ANK2: variants seen among roughly 807,000 people sequenced by gnomAD.
ANK2 encodes ankyrin-2.
ANK2 carries 83 observed loss-of-function variants against 360.5 expected under a neutral mutation model. The ratio of observed to expected loss-of-function variants is 0.23; its 90% CI spans 0.19 to 0.28. ANK2 has a LOEUF of 0.28. Among genes scored for constraint, ANK2 ranks in the 10% least tolerant of loss-of-function variants. ANK2 has a pLI of 1.00. For missense variants in ANK2, 4,201 were observed against 4,795.7 expected (o/e 0.88, Z 3.66); for synonymous variants, 1,740 against 1,759.5 (o/e 0.99, Z 0.28).
intron 4 of ANK2, among the ~76,000 whole-genome samples, chr4:113,223,153 A>G (rs1406925330): frequency 6.6e-6 from 1 of 152,182 alleles, no homozygotes; most frequent in Non-Finnish European, 1.5e-5. Flanking sequence ...TTTCCAACTT[A>G]TCTTTCATAA....
At chr4:113,360,752 A>G in intron 38 of ANK2, 71 bp from the exon 39 acceptor site, 1 of 1,343,862 alleles carries the variant, frequency 7.4e-7, no homozygotes, top group Non-Finnish European at 1.1e-6. Flanking sequence ...CCTTTCTTTG[A>G]ATGAATCAGT....
chr4:112,758,745 C>T, the ANK2 span, among the ~76,000 whole-genome samples: 4 of 152,168 alleles, frequency 2.6e-5, no homozygotes, highest in African/African-American at 9.7e-5. Flanking sequence ...CTTCTCAAAA[C>T]CCTTTGCCAA....
At chr4:113,029,251 G>A (rs1415739946) in intron 2 of ANK2, among the ~76,000 whole-genome samples, 1 of 149,888 alleles carries the variant, frequency 6.7e-6, no homozygotes, top group South Asian at 2.1e-4. Context: ...TGTTTTTTTT[G>A]TTTTGGAAAC....
Position 113,237,064 on chromosome 4 carries a change from C to G in ANK2, c.561C>G (p.Thr187=), listed in dbSNP as rs1454410109. The G allele has an allele frequency of 6.2e-7, 1 of 1,614,090 alleles. No homozygotes were observed. Among genetic ancestry groups the G allele is most frequent in the South Asian group, 1.1e-5 (1 of 91,066 alleles). ...QAVAILLEND[T]KGKVRLPALH... ...TGGCCATCCTCTTGGAGAATGACAC[C>G]AAAGGGAAAGTGAGGCTGCCAGCTC... The change falls in exon 6 of 46, where the codon ACC becomes ACG. Residue 187 remains threonine (T), a synonymous_variant. Transcript: ENST00000357077.
At chr4:113,014,960 G>A (rs1487697341) in intron 2 of ANK2, among the ~76,000 whole-genome samples, 3 of 139,932 alleles carry the variant, frequency 2.1e-5, no homozygotes, top group Admixed American at 1.6e-4. Context: ...CCGGGTTCAC[G>A]CCATTCTCCT....
intron 11 of ANK2, 60 bp from the exon 12 acceptor site, chr4:113,257,990 T>C: frequency 2.8e-6 from 4 of 1,415,438 alleles, no homozygotes; most frequent in Non-Finnish European, 4.0e-6. Flanking sequence ...TGTGCCAGCA[T>C]GGAGTTGTGT....
intron 1 of ANK2, among the ~76,000 whole-genome samples, chr4:112,825,593 T>G (rs545280349): frequency 6.6e-6 from 1 of 152,324 alleles, no homozygotes; most frequent in East Asian, 1.9e-4. Flanking sequence ...GAGGAAAGAT[T>G]TCTTTTCCTC....
chr4:113,367,405 G>T (rs1454178680), intron 41 of ANK2, among the ~76,000 whole-genome samples, 161 bp from the exon 42 acceptor site: 1 of 152,026 alleles, frequency 6.6e-6, no homozygotes, highest in Non-Finnish European at 1.5e-5. Flanking sequence ...TATCTTGAAG[G>T]TGGACACAGT....
At chr4:112,791,814 C>T in the ANK2 span, among the ~76,000 whole-genome samples, 2 of 151,750 alleles carry the variant, frequency 1.3e-5, no homozygotes, top group African/African-American at 4.8e-5. Flanking sequence ...CTAAAGCAGC[C>T]TATACTTTGT....
the ANK2 span, among the ~76,000 whole-genome samples, chr4:112,782,095 T>C: frequency 4.6e-5 from 7 of 152,192 alleles, no homozygotes; most frequent in Non-Finnish European, 8.8e-5. Flanking sequence ...CCCAAAGTGC[T>C]GGAATTACAG....
intron 2 of ANK2, among the ~76,000 whole-genome samples, chr4:112,920,732 A>T (rs183914574): frequency 6.6e-6 from 1 of 152,162 alleles, no homozygotes. Flanking sequence ...ATGTATTTTC[A>T]TACTACCATC....
intron 2 of ANK2, among the ~76,000 whole-genome samples, chr4:113,177,241 C>T (rs906963749): frequency 3.3e-5 from 5 of 152,042 alleles, no homozygotes; most frequent in African/African-American, 4.8e-5. Context: ...CCACCACGCC[C>T]GGCTAATTTT....
chr4:113,258,352 C>T lies in ANK2; in HGVS notation c.1327C>T (p.His443Tyr). 3.1e-6 allele frequency: 5 copies of T among 1,614,126 alleles called. No individual in the cohort carries two copies. Among genetic ancestry groups the T allele is most frequent in the Non-Finnish European group, 4.2e-6 (5 of 1,180,022 alleles). The part of the protein sequence containing the change: ...TPIHVAAFMG[H>Y]LNIVLLLLQN... ...AATACATGTGGCTGCCTTCATGGGC[C>T]ACTTGAACATTGTCCTCCTTCTGCT... The change falls in exon 13 of 46, where the codon CAC becomes TAC. Residue 443 changes from histidine to tyrosine, a missense_variant. This residue lies in a region of ANK2 where 1,268 missense variants were observed against 1,650.8 expected (regional missense o/e 0.77). Coordinates refer to ENST00000357077, the MANE Select transcript of ANK2 (RefSeq NM_001148.6).
At chr4:112,942,222 G>A (rs923097981) in intron 2 of ANK2, among the ~76,000 whole-genome samples, 1 of 151,998 alleles carries the variant, frequency 6.6e-6, no homozygotes, top group Non-Finnish European at 1.5e-5. Context: ...AACTGATACT[G>A]CAATTAATTA....
In ANK2 at chr4:113,051,054, C is replaced by T. The variant is rs567725214; in HGVS notation, c.84+1242C>T. Among the ~76,000 whole-genome samples the T allele has an allele frequency of 5.3e-5, 8 of 152,168 alleles. No homozygotes were observed. The South Asian group carries it at 1.5e-3, about 28-fold the overall frequency. On this transcript the variant is annotated intron_variant, in intron 1 of 45. Transcript: ENST00000357077. Reference sequence around the variant, plus strand: ...TCTGATAACAGGCAAAAGGATAATTCAGGGCAAGCAGGAACATTGGTAGAA... The same window carrying T: ...TCTGATAACAGGCAAAAGGATAATTTAGGGCAAGCAGGAACATTGGTAGAA...
intron 2 of ANK2, among the ~76,000 whole-genome samples, chr4:112,998,482 A>G (rs1033510765): frequency 6.6e-6 from 1 of 152,146 alleles, no homozygotes; most frequent in Non-Finnish European, 1.5e-5. Context: ...AATGTTAGTG[A>G]ATGAGAAGAA....
intron 1 of ANK2, among the ~76,000 whole-genome samples, chr4:113,162,892 C>T (rs979193353): frequency 1.3e-5 from 2 of 152,108 alleles, no homozygotes; most frequent in African/African-American, 4.8e-5. Context: ...AGCTAAATAA[C>T]TCATTGTTAA....
chr4:113,095,381 C>G (rs890152945), intron 1 of ANK2, among the ~76,000 whole-genome samples: 1 of 152,156 alleles, frequency 6.6e-6, no homozygotes, highest in Admixed American at 6.5e-5. Context: ...TCCAAGAACT[C>G]TAAAACTGTA....
intron 2 of ANK2, among the ~76,000 whole-genome samples, chr4:113,008,098 TTA>T (rs1216462304): frequency 7.5e-6 from 1 of 133,230 alleles, no homozygotes; most frequent in Non-Finnish European, 1.6e-5. Context: ...CATTAACTTA[TTA>T]AGCTTTTCCT....
Sources: allele counts gnomAD v4.1 joint callset (sites outside exome capture counted in the v4.1 genomes callset), GRCh38; gene constraint gnomAD v4.1.1; regional missense constraint gnomAD v4.1.1; transcripts MANE v1.5; gene names NCBI Gene and HGNC (gene_info 2026-07-23, HGNC 2026-07-21).